Variants in ADGRL3 observed in about 807,000 individuals in gnomAD.
ADGRL3 encodes the protein adhesion G protein-coupled receptor L3, also known as calcium-independent alpha-latrotoxin receptor 3.
A neutral mutation model predicts 153.5 loss-of-function variants in ADGRL3; 62 were observed. The ratio of observed to expected loss-of-function variants is 0.40; its 90% CI spans 0.33 to 0.50. The LOEUF (loss-of-function observed/expected upper bound fraction) is 0.50, where lower values mean the gene tolerates loss of function less well. ADGRL3 is among the 20% of genes least tolerant of loss of function. The pLI is 0.47. For missense variants in ADGRL3, 1,641 were observed against 1,859.4 expected (o/e 0.88, Z 2.16); for synonymous variants, 710 against 672.5 (o/e 1.06, Z -0.86).
chr4:61,424,724 C>T (rs1383406069), intron 2 of ADGRL3, among the ~76,000 whole-genome samples: 1 of 152,190 alleles, frequency 6.6e-6, no homozygotes, highest in Non-Finnish European at 1.5e-5. Flanking sequence ...CTGGTTTGAT[C>T]AACCTCATTG....
At chr4:61,829,052 A>G (rs549958685) in intron 9 of ADGRL3, among the ~76,000 whole-genome samples, 1 of 152,360 alleles carries the variant, frequency 6.6e-6, no homozygotes, top group East Asian at 1.9e-4. Context: ...TGCTACATTA[A>G]TAAACATGTG....
intron 11 of ADGRL3, among the ~76,000 whole-genome samples, 195 bp from the exon 12 acceptor site, chr4:61,909,365 C>G (rs887176124): frequency 6.6e-6 from 1 of 152,038 alleles, no homozygotes; most frequent in African/African-American, 2.4e-5. Context: ...TGAAGACATG[C>G]GTTTAAAGTC....
At position 62,040,884 on chromosome 4, in the gene ADGRL3, T is replaced by A. The variant is rs1281383413; in HGVS notation, c.3717+3028T>A. On this transcript the variant is annotated intron_variant, in intron 24 of 26. Transcript: ENST00000683033. ...TTATGCCAAAGTCTGAGTTACAAGA[T>A]TCTAAATGAAAGGAGAAAAGGAAAT... Among the ~76,000 whole-genome samples, 6 of 152,124 alleles carry A rather than the reference T, an allele frequency of 3.9e-5. 1 individual carries two copies. The highest frequency in any genetic ancestry group is 4.1e-4 in the South Asian group (2 of 4,820).
intron 13 of ADGRL3, among the ~76,000 whole-genome samples, chr4:61,914,406 T>G (rs1276163263): frequency 6.6e-6 from 1 of 152,076 alleles, no homozygotes; most frequent in African/African-American, 2.4e-5. Flanking sequence ...AAGTTTTATG[T>G]GAGATAGCAG....
chr4:61,878,095 C>A (rs1447646237), intron 9 of ADGRL3, among the ~76,000 whole-genome samples: 1 of 152,174 alleles, frequency 6.6e-6, no homozygotes, highest in Non-Finnish European at 1.5e-5. Context: ...ATTACCCAAT[C>A]TCAGGAAATG....
intron 5 of ADGRL3, among the ~76,000 whole-genome samples, chr4:61,600,105 C>G (rs962007931): frequency 6.6e-6 from 1 of 151,796 alleles, no homozygotes; most frequent in South Asian, 2.1e-4. Context: ...GTCAGGAGAT[C>G]GAGACCATCC....
intron 4 of ADGRL3, among the ~76,000 whole-genome samples, chr4:61,528,453 C>T (rs974483815): frequency 6.6e-6 from 1 of 151,870 alleles, no homozygotes; most frequent in African/African-American, 2.4e-5. Context: ...CCCCAGACAC[C>T]CAGAATTGAG....
At chr4:61,252,315 C>A (rs959110658) in intron 1 of ADGRL3, among the ~76,000 whole-genome samples, 1 of 151,986 alleles carries the variant, frequency 6.6e-6, no homozygotes. Context: ...CTATAAGGAA[C>A]AACAGGAGGT....
At chr4:61,288,802 A>G (rs2094048003) in intron 1 of ADGRL3, among the ~76,000 whole-genome samples, 2 of 152,004 alleles carry the variant, frequency 1.3e-5, no homozygotes, top group African/African-American at 4.8e-5. Flanking sequence ...CTTTGCATTG[A>G]GATCCATTTC....
In ADGRL3 at chr4:61,874,953, C is replaced by T. The variant is rs371067477; in HGVS notation, c.1481-17703C>T. Among the ~76,000 whole-genome samples, 1,289 of 151,096 alleles carry T rather than the reference C, an allele frequency of 8.5e-3. 18 individuals are homozygous for T. The highest frequency in any genetic ancestry group is 0.03 in the African/African-American group (1,243 of 41,192). On this transcript the variant is annotated intron_variant, in intron 9 of 26. Transcript: ENST00000683033. ...CCTCCCGAGTAGCTGGGACTACAGG[C>T]GCCCACCACCGCGCCCGGCTAATTT... is the stretch of plus-strand genomic sequence containing the variant.
At position 61,437,737 on chromosome 4, in the gene ADGRL3, A is replaced by T. The variant is rs539968310; in HGVS notation, c.-174+54548A>T. On this transcript the variant is annotated intron_variant, in intron 2 of 26. Coordinates refer to ENST00000683033, the MANE Select transcript of ADGRL3 (RefSeq NM_001387552.1). ...TCCATGGGCAAGATTGTCCTCAAAC[A>T]AACTCCCCATACAAGCTTCTCCTTC... Among the ~76,000 whole-genome samples, 9 of 152,258 alleles carry T rather than the reference A, an allele frequency of 5.9e-5. No individual in the cohort carries two copies. The South Asian group carries it at 1.9e-3, about 32-fold the overall frequency.
Position 61,935,436 on chromosome 4 carries a change from A to G in ADGRL3, c.2296+413A>G, listed in dbSNP as rs546189696. Among the ~76,000 whole-genome samples the G allele has an allele frequency of 2.0e-5, 3 of 152,288 alleles. No homozygotes were observed. In the East Asian group the frequency reaches 5.8e-4, roughly 29 times the overall value. On this transcript the variant is annotated intron_variant, in intron 14 of 26. Coordinates refer to ENST00000683033, the MANE Select transcript of ADGRL3 (RefSeq NM_001387552.1). The stretch of plus-strand genomic sequence containing the variant: ...GTCATTTGAGTGAAAATGATAAAAC[A>G]GTGTTTGATAATCTTGTTATTTGGC...
chr4:61,926,686 C>G (rs961949993), intron 13 of ADGRL3, among the ~76,000 whole-genome samples: 1 of 152,144 alleles, frequency 6.6e-6, no homozygotes, highest in Non-Finnish European at 1.5e-5. Flanking sequence ...GTAAAGCATT[C>G]ATATCAAGGT....
At chr4:61,387,387 A>G (rs1578579065) in intron 2 of ADGRL3, among the ~76,000 whole-genome samples, 1 of 152,132 alleles carries the variant, frequency 6.6e-6, no homozygotes, top group East Asian at 1.9e-4. Flanking sequence ...TTTGAGATCA[A>G]CCGGTCTGAC....
chr4:62,011,149 A>G (rs1352296552), intron 21 of ADGRL3, among the ~76,000 whole-genome samples: 1 of 152,144 alleles, frequency 6.6e-6, no homozygotes, highest in African/African-American at 2.4e-5. Flanking sequence ...TAGGGGAGAA[A>G]AAATTTCTTT....
Position 61,498,358 on chromosome 4 carries a change from G to A in ADGRL3, c.55+1010G>A, listed in dbSNP as rs181765937. On this transcript the variant is annotated intron_variant, in intron 3 of 26. Transcript: ENST00000683033. ...AAGGTCAAGAGATCGAGACCATCCT[G>A]GCTAACACCGTGAAACCCCGTCTCT... 2.0e-3 allele frequency among the ~76,000 whole-genome samples: 307 copies of A among 152,170 alleles called. 2 individuals are homozygous for A. The highest frequency in any genetic ancestry group is 2.5e-3 in the Non-Finnish European group (173 of 68,002).
chr4:61,325,527 G>A (rs553760751), intron 1 of ADGRL3, among the ~76,000 whole-genome samples: 1 of 152,152 alleles, frequency 6.6e-6, no homozygotes, highest in Non-Finnish European at 1.5e-5. Flanking sequence ...ATTCTCATTT[G>A]TTTAACAGGC....
At chr4:61,908,783 A>G (rs960341398) in intron 11 of ADGRL3, among the ~76,000 whole-genome samples, 11 of 152,240 alleles carry the variant, frequency 7.2e-5, no homozygotes, top group African/African-American at 2.6e-4. Context: ...ATGCTTATTT[A>G]CTTATTCTTG....
At chr4:61,581,084 G>A (rs2098922858) in intron 4 of ADGRL3, among the ~76,000 whole-genome samples, 1 of 152,098 alleles carries the variant, frequency 6.6e-6, no homozygotes, top group Non-Finnish European at 1.5e-5. Context: ...CAATGGAGAT[G>A]CAGCATGGAG....
Sources: allele counts gnomAD v4.1 joint callset (sites outside exome capture counted in the v4.1 genomes callset), GRCh38; gene constraint gnomAD v4.1.1; transcripts MANE v1.5; gene names NCBI Gene and HGNC (gene_info 2026-07-23, HGNC 2026-07-21).